The following ITGA8 variants were observed in gnomAD, a reference collection of about 807,000 sequenced individuals.
ITGA8 encodes the protein integrin subunit alpha 8.
ITGA8 carries 91 observed loss-of-function variants against 142.3 expected under a neutral mutation model. The ratio of observed to expected loss-of-function variants is 0.64; its 90% confidence interval spans 0.54 to 0.76. The LOEUF (loss-of-function observed/expected upper bound fraction) is 0.76. ITGA8 is among the 30% of genes least tolerant of loss of function. The pLI is 0.00. For missense variants in ITGA8, 1,406 were observed against 1,327.7 expected (o/e 1.06, Z -0.92); for synonymous variants, 505 against 485.2 (o/e 1.04, Z -0.54).
intron 21 of ITGA8, among the ~76,000 whole-genome samples, chr10:15,595,515 A>G (rs924428487): frequency 1.3e-5 from 2 of 152,324 alleles, no homozygotes; most frequent in South Asian, 2.1e-4. Flanking sequence ...TCTAAAGACT[A>G]TTTGCTGGCA....
At position 15,579,346 on chromosome 10, in the gene ITGA8, T is replaced by TC. The variant is rs377079478; in HGVS notation, c.2373-3753dup. Among the ~76,000 whole-genome samples, 584 of 152,208 alleles carry TC rather than the reference T, an allele frequency of 3.8e-3. 4 individuals are homozygous for TC. The highest frequency in any genetic ancestry group is 0.014 in the African/African-American group (563 of 41,558). ...TGGCAAAAGTGAATAGAAATTTCCTTCTTTTTTTACTGTAAGTAATGACAG... is the reference window on the plus strand; with the variant it reads ...TGGCAAAAGTGAATAGAAATTTCCTTCCTTTTTTTACTGTAAGTAATGACAG... On this transcript the variant is annotated intron_variant, in intron 23 of 29. Transcript: ENST00000378076.
chr10:15,629,898 A>G (rs1220571278), intron 13 of ITGA8, among the ~76,000 whole-genome samples: 1 of 152,114 alleles, frequency 6.6e-6, no homozygotes. Context: ...ACTGCACCCC[A>G]GTCTTGGTGA....
intron 8 of ITGA8, among the ~76,000 whole-genome samples, chr10:15,667,262 G>C (rs1471955936): frequency 1.3e-5 from 2 of 152,052 alleles, no homozygotes; most frequent in Non-Finnish European, 2.9e-5. Flanking sequence ...TGTATGTGTT[G>C]AGGAATTTAT....
chr10:15,538,772 AC>A (rs1440819072), intron 27 of ITGA8, among the ~76,000 whole-genome samples: 2 of 152,094 alleles, frequency 1.3e-5, no homozygotes, highest in African/African-American at 4.8e-5. Flanking sequence ...ATGCATGCCA[AC>A]AAAATAATTA....
At chr10:15,546,990 A>G (rs1833685153) in intron 27 of ITGA8, among the ~76,000 whole-genome samples, 2 of 152,110 alleles carry the variant, frequency 1.3e-5, no homozygotes, top group Admixed American at 6.5e-5. Flanking sequence ...GTAGAAGCAT[A>G]TTAAATCATA....
intron 13 of ITGA8, among the ~76,000 whole-genome samples, chr10:15,637,426 G>T (rs1391673246): frequency 6.6e-6 from 1 of 151,574 alleles, no homozygotes; most frequent in Non-Finnish European, 1.5e-5. Flanking sequence ...CTGTTCAATT[G>T]TTACATTAAT....
chr10:15,643,994 G>T, intron 13 of ITGA8, 36 bp downstream of exon 13: 1 of 1,577,550 alleles, frequency 6.3e-7, no homozygotes, highest in South Asian at 1.1e-5. Context: ...ATTTCAGGAC[G>T]TAGACTCTCA....
rs941338334 is a variant in ITGA8 at position 15,515,481 on chromosome 10, T to C, written c.*1677A>G. 10 of 152,226 alleles carry C rather than the reference T, an allele frequency of 6.6e-5. No homozygotes were observed. The highest frequency in any genetic ancestry group is 2.2e-4 in the African/African-American group (9 of 41,456). The allele number at this position is 152,226 out of a possible 1,614,324, so 9.4% of individuals were successfully genotyped here. ...ATGGCATGACATAAAATTTAGTGTC[T>C]GTGAGCTTGGCTCATCTTTCAAACA... On this transcript the variant is annotated 3_prime_UTR_variant, in exon 30 of 30. Transcript: ENST00000378076.
At chr10:15,599,612 G>A (rs532916081) in intron 20 of ITGA8, among the ~76,000 whole-genome samples, 3 of 152,154 alleles carry the variant, frequency 2.0e-5, no homozygotes, top group African/African-American at 7.2e-5. Flanking sequence ...TGGGGGCAGT[G>A]CATATCAGTG....
intron 13 of ITGA8, among the ~76,000 whole-genome samples, chr10:15,643,642 T>A (rs567999291): frequency 1.2e-3 from 186 of 152,322 alleles, no homozygotes; most frequent in Non-Finnish European, 2.1e-3. Flanking sequence ...TTGAGGTTCA[T>A]GCTATAATAG....
chr10:15,691,931 C>T lies in ITGA8; in HGVS notation c.344-3893G>A, dbSNP rs142952747. Among the ~76,000 whole-genome samples, 1,258 of 152,138 alleles carry T rather than the reference C, an allele frequency of 8.3e-3. 17 individuals carry two copies. The highest frequency in any genetic ancestry group is 0.028 in the African/African-American group (1,181 of 41,498). On this transcript the variant is annotated intron_variant, in intron 2 of 29. Transcript: ENST00000378076. ...ATAGATCAAAACATTACATTGTACACGATAAATATATACAATTTTTTTTGA... is the reference window on the plus strand; with the variant it reads ...ATAGATCAAAACATTACATTGTACATGATAAATATATACAATTTTTTTTGA...
intron 13 of ITGA8, among the ~76,000 whole-genome samples, chr10:15,628,691 A>T (rs1051437839): frequency 5.3e-5 from 8 of 151,560 alleles, no homozygotes; most frequent in African/African-American, 1.9e-4. Flanking sequence ...CTGGATCAGG[A>T]CCCCTTTCCA....
chr10:15,708,353 A>G (rs1835300114), intron 2 of ITGA8, among the ~76,000 whole-genome samples: 2 of 152,316 alleles, frequency 1.3e-5, no homozygotes, highest in Middle Eastern at 3.4e-3. Context: ...TGGATAATCT[A>G]TCACAGGAAT....
At chr10:15,702,758 C>G (rs970989907) in intron 2 of ITGA8, among the ~76,000 whole-genome samples, 2 of 152,170 alleles carry the variant, frequency 1.3e-5, no homozygotes. Context: ...TTGTTCAAAT[C>G]ACTCCTTAAA....
Position 15,548,145 on chromosome 10 carries a change from G to A in ITGA8, c.2880+310C>T, listed in dbSNP as rs9333231. Among the ~76,000 whole-genome samples the A allele has an allele frequency of 0.053, 8,048 of 151,070 alleles. 714 individuals are homozygous for A. The highest frequency in any genetic ancestry group is 0.19 in the African/African-American group (7,550 of 40,764). The stretch of plus-strand genomic sequence containing the variant: ...CTCACTCTGTCACCCAGGCTGGAGT[G>A]CAGTGGCACAATCTTGGCTCACTGC... On this transcript the variant is annotated intron_variant, in intron 27 of 29. Transcript: ENST00000378076.
At position 15,592,218 on chromosome 10, in the gene ITGA8, G is replaced by C. The variant is rs1832935598; in HGVS notation, c.2291+7C>G. 1 of 1,607,060 alleles carries C rather than the reference G, an allele frequency of 6.2e-7. No homozygotes were observed. Among genetic ancestry groups the C allele is most frequent in the African/African-American group, 1.3e-5 (1 of 74,746 alleles). On this transcript the variant is annotated splice_region_variant and intron_variant, in intron 22 of 29. Coordinates refer to ENST00000378076, the MANE Select transcript of ITGA8 (RefSeq NM_003638.3). ...CTGTCAACGATATAGGCATGTAAAG[G>C]TCTAACCTTCTGATTTGGAGATCGA...
intron 11 of ITGA8, among the ~76,000 whole-genome samples, chr10:15,651,023 G>A (rs1366687851): frequency 2.0e-5 from 3 of 151,992 alleles, no homozygotes; most frequent in African/African-American, 7.2e-5. Context: ...CTTTCAATTG[G>A]ATTTTTCTGT....
chr10:15,650,570 G>T (rs536207569), intron 11 of ITGA8, among the ~76,000 whole-genome samples: 1 of 152,248 alleles, frequency 6.6e-6, no homozygotes, highest in East Asian at 1.9e-4. Context: ...GCCCTCATCA[G>T]ATGCGGCCCC....
intron 13 of ITGA8, among the ~76,000 whole-genome samples, chr10:15,631,235 TA>T (rs1833679425): frequency 6.6e-6 from 1 of 152,020 alleles, no homozygotes. Context: ...CAAAGGATTA[TA>T]AATCATTCTA....
Sources: gnomAD v4.1 joint callset for allele counts (sites outside exome capture counted in the v4.1 genomes callset) on GRCh38, gnomAD v4.1.1 for gene constraint, MANE v1.5 for transcripts, NCBI Gene and HGNC (gene_info 2026-07-23, HGNC 2026-07-21) for gene names.